RPS6KA2: variants seen among roughly 807,000 people sequenced by gnomAD.
RPS6KA2 encodes ribosomal protein S6 kinase alpha-2.
A neutral mutation model predicts 91.8 loss-of-function variants in RPS6KA2; 42 were observed. The ratio of observed to expected loss-of-function variants is 0.46; its 90% confidence interval spans 0.36 to 0.59. The LOEUF (loss-of-function observed/expected upper bound fraction) is 0.59. Among genes scored for constraint, RPS6KA2 ranks in the 20% least tolerant of loss-of-function variants. The pLI, the probability that RPS6KA2 is intolerant of heterozygous loss-of-function variation, is 0.00. For missense variants in RPS6KA2, 798 were observed against 978.5 expected (o/e 0.82, Z 2.46); for synonymous variants, 414 against 393.6 (o/e 1.05, Z -0.61).
chr6:166,510,874 G>A (rs971911325), intron 3 of RPS6KA2, among the ~76,000 whole-genome samples: 1 of 151,882 alleles, frequency 6.6e-6, no homozygotes, highest in African/African-American at 2.4e-5. Flanking sequence ...GAAGACAATG[G>A]TCCCATACCT....
In RPS6KA2 at chr6:166,507,819, CCCACATGCACACA is replaced by C. The variant is rs575306045; in HGVS notation, c.459+371_459+383del. On this transcript the variant is annotated intron_variant, in intron 5 of 20. Coordinates refer to ENST00000265678, the MANE Select transcript of RPS6KA2 (RefSeq NM_021135.6). ...CACTTATCACATGACACATGCACAC[CCCACATGCACACA>C]CACTCACATTCCCACACACCATGCA... Among the ~76,000 whole-genome samples the C allele has an allele frequency of 1.4e-3, 219 of 151,272 alleles. 1 individual carries two copies. The highest frequency in any genetic ancestry group is 5.0e-3 in the African/African-American group (207 of 41,220).
At chr6:166,534,180 C>G (rs1467610407) in intron 2 of RPS6KA2, among the ~76,000 whole-genome samples, 1 of 142,998 alleles carries the variant, frequency 7.0e-6, no homozygotes, top group African/African-American at 2.7e-5. Flanking sequence ...CGAGATTCAG[C>G]CACTGCAGTC....
chr6:166,449,780 G>A (rs1779794694), intron 13 of RPS6KA2, among the ~76,000 whole-genome samples: 1 of 116,726 alleles, frequency 8.6e-6, no homozygotes, highest in Admixed American at 9.3e-5. Flanking sequence ...ACCATTACAG[G>A]GACCACCATG....
chr6:166,560,914 C>T lies in RPS6KA2; in HGVS notation c.100-22130G>A, dbSNP rs76213489. 7.7e-3 allele frequency among the ~76,000 whole-genome samples: 1,160 copies of T among 150,304 alleles called. 18 individuals carry two copies. Among genetic ancestry groups the T allele is most frequent in the African/African-American group, 0.027 (1,095 of 40,332 alleles). On this transcript the variant is annotated intron_variant, in intron 1 of 20. Coordinates refer to ENST00000265678, the MANE Select transcript of RPS6KA2 (RefSeq NM_021135.6). ...GGCTCATTCCACGGTCCTTTTGGGG[C>T]GTATTTCTTAGCCCAACATGGTGTT...
chr6:166,591,719 G>T (rs576415704), intron 1 of RPS6KA2, among the ~76,000 whole-genome samples: 1 of 152,224 alleles, frequency 6.6e-6, no homozygotes. Flanking sequence ...CTCCAGGACT[G>T]TGAGAGCATA....
At chr6:166,566,552 G>A (rs1483907097) in intron 1 of RPS6KA2, among the ~76,000 whole-genome samples, 2 of 152,192 alleles carry the variant, frequency 1.3e-5, no homozygotes, top group Admixed American at 1.3e-4. Flanking sequence ...AGGTGCAGGG[G>A]GTGGCCCTCT....
intron 8 of RPS6KA2, among the ~76,000 whole-genome samples, chr6:166,497,295 G>T (rs1413229109): frequency 6.6e-6 from 1 of 152,226 alleles, no homozygotes; most frequent in African/African-American, 2.4e-5. Context: ...ATTCTCTCAA[G>T]TGTCGTGCCT....
chr6:166,773,212 T>C (rs1253317257), intron 2 of RPS6KA2, among the ~76,000 whole-genome samples: 1 of 152,024 alleles, frequency 6.6e-6, no homozygotes, highest in East Asian at 1.9e-4. Context: ...CCCTGAAGCA[T>C]CTGTGACTGT....
chr6:166,596,313 T>C (rs1358661496), intron 1 of RPS6KA2, among the ~76,000 whole-genome samples: 2 of 152,216 alleles, frequency 1.3e-5, no homozygotes, highest in Non-Finnish European at 2.9e-5. Flanking sequence ...CCTGGGTGTG[T>C]CTGTGAGGGT....
chr6:166,456,477 C>T (rs560497991), intron 12 of RPS6KA2, among the ~76,000 whole-genome samples: 14 of 152,154 alleles, frequency 9.2e-5, no homozygotes, highest in South Asian at 2.1e-4. Context: ...TCTGCCTGAT[C>T]GGTTTAAAAT....
Position 166,488,805 on chromosome 6 carries a change from CGTGGTGGGGT to C in RPS6KA2, c.907+18_907+27del. Reference sequence around the variant, plus strand: ...TGCGGGGCAGCGCCCTGCACGTTCCCGTGGTGGGGTGTCCCGGGGAATCTTACCCAGCCGG... The same window carrying C: ...TGCGGGGCAGCGCCCTGCACGTTCCCGTCCCGGGGAATCTTACCCAGCCGG... On this transcript the variant is annotated intron_variant, in intron 10 of 20. Transcript: ENST00000265678. 1 of 1,582,598 alleles carries C rather than the reference CGTGGTGGGGT, an allele frequency of 6.3e-7. No individual in the cohort carries two copies. Among genetic ancestry groups the C allele is most frequent in the African/African-American group, 1.3e-5 (1 of 74,448 alleles).
Position 166,770,650 on chromosome 6 carries a change from A to G in RPS6KA2, c.123+87550T>C, listed in dbSNP as rs550969283. Among the ~76,000 whole-genome samples the G allele has an allele frequency of 4.6e-5, 7 of 152,360 alleles. No individual in the cohort carries two copies. The South Asian group carries it at 1.4e-3, about 32-fold the overall frequency. On this transcript the variant is annotated intron_variant, in intron 2 of 21. Transcript: ENST00000503859. The surrounding 1 kb of genome is among the most constrained non-coding windows in gnomAD (Gnocchi z 5.1). ...CCCTGCTGTACAAGGACATTACTGC[A>G]CAAAGCACTCGGATTCCCCACAGGA...
At chr6:166,747,231 C>G (rs1373996465) in intron 2 of RPS6KA2, among the ~76,000 whole-genome samples, 1 of 152,176 alleles carries the variant, frequency 6.6e-6, no homozygotes, top group Admixed American at 6.5e-5. Context: ...AGCCCCCATC[C>G]TGAAGCTACT....
At chr6:166,594,728 C>T (rs1407028375) in intron 1 of RPS6KA2, among the ~76,000 whole-genome samples, 1 of 152,150 alleles carries the variant, frequency 6.6e-6, no homozygotes, top group African/African-American at 2.4e-5. Flanking sequence ...TCCCAAAGTG[C>T]TGGGATTACA....
intron 12 of RPS6KA2, among the ~76,000 whole-genome samples, chr6:166,458,048 C>T (rs1316792987): frequency 1.3e-5 from 2 of 152,202 alleles, no homozygotes; most frequent in Admixed American, 6.5e-5. Flanking sequence ...AACCAGCATA[C>T]TGTTAGTGTT....
intron 2 of RPS6KA2, among the ~76,000 whole-genome samples, chr6:166,855,429 G>GGAAGAAGAGGAA (rs1454445487): frequency 8.4e-6 from 1 of 119,450 alleles, no homozygotes; most frequent in African/African-American, 4.1e-5. Context: ...AAGAAGAAGA[G>GGAAGAAGAGGAA]GAAGAAGAGG....
At chr6:166,443,391 C>T (rs375192665) in intron 14 of RPS6KA2, among the ~76,000 whole-genome samples, 13 of 152,300 alleles carry the variant, frequency 8.5e-5, no homozygotes, top group South Asian at 2.1e-4. Context: ...CCTAGTGGCA[C>T]GGGACTTCTT....
intron 3 of RPS6KA2, among the ~76,000 whole-genome samples, chr6:166,516,644 C>T (rs987349136): frequency 2.0e-5 from 3 of 152,232 alleles, no homozygotes; most frequent in Admixed American, 2.0e-4. Flanking sequence ...AGAATGCTTC[C>T]ACAAGGAGAA....
intron 2 of RPS6KA2, among the ~76,000 whole-genome samples, chr6:166,744,564 G>A (rs1790924778): frequency 6.6e-6 from 1 of 152,210 alleles, no homozygotes; most frequent in Admixed American, 6.5e-5. Context: ...CGCTGCAGCA[G>A]GGCCCAGGCT....
Sources: allele counts gnomAD v4.1 joint callset (sites outside exome capture counted in the v4.1 genomes callset), GRCh38; gene constraint gnomAD v4.1.1; non-coding constraint Gnocchi (gnomAD v3.1); transcripts MANE v1.5; gene names NCBI Gene and HGNC (gene_info 2026-07-23, HGNC 2026-07-21).